CTNNA2: variants seen among roughly 807,000 people sequenced by gnomAD.
CTNNA2 encodes catenin alpha 2.
A neutral mutation model predicts 101.0 loss-of-function variants in CTNNA2; 42 were observed. The ratio of observed to expected loss-of-function variants is 0.42; its 90% confidence interval spans 0.32 to 0.54. CTNNA2 has a LOEUF of 0.54. CTNNA2 is among the 20% of genes least tolerant of loss of function. The probability of loss-of-function intolerance (pLI) is 0.14; values close to 1 mark genes in which losing one functional copy is unlikely to be tolerated. For missense variants in CTNNA2, 871 were observed against 1,223.1 expected, an observed-to-expected ratio of 0.71 and a Z score of 4.29; for synonymous variants, 450 against 456.4, an observed-to-expected ratio of 0.99 and a Z score of 0.18.
intron 2 of CTNNA2, among the ~76,000 whole-genome samples, chr2:79,295,954 C>A (rs553150238): frequency 1.3e-5 from 2 of 152,052 alleles, no homozygotes; most frequent in Admixed American, 6.5e-5. Context: ...TTTTCCTCAA[C>A]AAAATTGTGG....
intron 7 of CTNNA2, among the ~76,000 whole-genome samples, chr2:80,020,863 T>C (rs1212436651): frequency 2.6e-5 from 4 of 152,138 alleles, no homozygotes; most frequent in South Asian, 2.1e-4. Flanking sequence ...CTATGAACTT[T>C]GTTTTGACTT....
chr2:79,710,921 T>A (rs192800288), intron 2 of CTNNA2, among the ~76,000 whole-genome samples: 14 of 152,372 alleles, frequency 9.2e-5, no homozygotes, highest in African/African-American at 3.4e-4. Context: ...ATGAGCTGAA[T>A]GTATTTTTAG....
intron 7 of CTNNA2, among the ~76,000 whole-genome samples, chr2:80,161,529 C>A (rs551836142): frequency 6.8e-4 from 103 of 152,016 alleles, no homozygotes; most frequent in African/African-American, 2.3e-3. Flanking sequence ...AGATTAAATT[C>A]TTTCAAAGGT....
chr2:80,424,460 AT>A (rs2149414716), intron 9 of CTNNA2, among the ~76,000 whole-genome samples: 1 of 152,292 alleles, frequency 6.6e-6, no homozygotes, highest in South Asian at 2.1e-4. Context: ...GTTTTTTGAT[AT>A]GCTGGGTGAT....
At chr2:80,295,371 A>C (rs1040108473) in intron 7 of CTNNA2, among the ~76,000 whole-genome samples, 7 of 151,974 alleles carry the variant, frequency 4.6e-5, no homozygotes, top group African/African-American at 1.5e-4. Flanking sequence ...CCACCCATAC[A>C]TGCCTGAGCT....
chr2:79,430,686 CA>C (rs1678650409), intron 4 of CTNNA2, among the ~76,000 whole-genome samples: 1 of 152,042 alleles, frequency 6.6e-6, no homozygotes, highest in Non-Finnish European at 1.5e-5. Context: ...ATGGAGAACA[CA>C]AGGCATGGAG....
intron 7 of CTNNA2, among the ~76,000 whole-genome samples, chr2:80,256,191 C>T (rs1368272316): frequency 2.0e-5 from 3 of 152,078 alleles, no homozygotes; most frequent in Non-Finnish European, 4.4e-5. Flanking sequence ...AAGGCACAGC[C>T]TTTTGTTGCT....
intron 2 of CTNNA2, among the ~76,000 whole-genome samples, chr2:79,247,263 T>C (rs1413212867): frequency 6.6e-6 from 1 of 152,222 alleles, no homozygotes; most frequent in Non-Finnish European, 1.5e-5. Flanking sequence ...TTCTTTTCCT[T>C]ACTTTTAACT....
chr2:79,643,051 C>T (rs1251816706), intron 1 of CTNNA2, among the ~76,000 whole-genome samples: 1 of 152,004 alleles, frequency 6.6e-6, no homozygotes, highest in Non-Finnish European at 1.5e-5. Flanking sequence ...ATTAGCTGGG[C>T]ATGGTGGCAC....
At chr2:80,277,161 C>T (rs1026702543) in intron 7 of CTNNA2, among the ~76,000 whole-genome samples, 1 of 151,910 alleles carries the variant, frequency 6.6e-6, no homozygotes, top group African/African-American at 2.4e-5. Flanking sequence ...AATGGGGAAA[C>T]TGTGTAGGAC....
chr2:80,565,551 T>C (rs919533360), intron 12 of CTNNA2, among the ~76,000 whole-genome samples: 2 of 151,732 alleles, frequency 1.3e-5, no homozygotes, highest in Non-Finnish European at 2.9e-5. Flanking sequence ...AATCGTGTGG[T>C]TGTACCTCCA....
At chr2:79,904,047 C>T (rs1685250549) in intron 6 of CTNNA2, among the ~76,000 whole-genome samples, 1 of 152,138 alleles carries the variant, frequency 6.6e-6, no homozygotes, top group African/African-American at 2.4e-5. Context: ...TATGCCATCT[C>T]TCACCTCCTA....
intron 1 of CTNNA2, among the ~76,000 whole-genome samples, chr2:79,544,260 A>G (rs922058558): frequency 6.6e-6 from 1 of 152,154 alleles, no homozygotes; most frequent in Non-Finnish European, 1.5e-5. Flanking sequence ...TTTTGAATGA[A>G]TAGTGTGTAG....
chr2:80,256,434 C>T (rs1015046449), intron 7 of CTNNA2, among the ~76,000 whole-genome samples: 7 of 152,114 alleles, frequency 4.6e-5, no homozygotes, highest in African/African-American at 1.7e-4. Flanking sequence ...TCAGTAGAAA[C>T]TGTGACAACA....
Position 80,240,944 on chromosome 2 carries a change from A to G in CTNNA2, c.1057-152267A>G, listed in dbSNP as rs887435702. On this transcript the variant is annotated intron_variant, in intron 7 of 18. Transcript: ENST00000402739. ...AGTTAGAACTCTGAGGCTGGGTGGCATTTTAGGAGCCAGACAGGTCCATGA... is the reference window on the plus strand; with the variant it reads ...AGTTAGAACTCTGAGGCTGGGTGGCGTTTTAGGAGCCAGACAGGTCCATGA... 2.6e-5 allele frequency among the ~76,000 whole-genome samples: 4 copies of G among 152,260 alleles called. No individual in the cohort carries two copies. In the East Asian group the frequency reaches 7.7e-4, roughly 29 times the overall value.
At chr2:79,195,884 T>C (rs1439619915) in intron 1 of CTNNA2, 2 of 500,910 alleles carry the variant, frequency 4.0e-6, no homozygotes, top group Non-Finnish European at 4.0e-6. Flanking sequence ...AATAAGAAAT[T>C]AGGGGGCAGA....
intron 4 of CTNNA2, among the ~76,000 whole-genome samples, chr2:79,398,944 T>C (rs1239152100): frequency 6.6e-6 from 1 of 152,106 alleles, no homozygotes; most frequent in Non-Finnish European, 1.5e-5. Context: ...TCCAGCTCTT[T>C]AGTGACCTTG....
chr2:80,065,427 C>T (rs533117426), intron 7 of CTNNA2, among the ~76,000 whole-genome samples: 46 of 150,882 alleles, frequency 3.0e-4, no homozygotes, highest in Admixed American at 5.3e-4. Flanking sequence ...GGCATGATCT[C>T]GGCTCACTAC....
At chr2:80,581,908 G>T in intron 14 of CTNNA2, 89 bp downstream of exon 14, 1 of 728,508 alleles carries the variant, frequency 1.4e-6, no homozygotes, top group Non-Finnish European at 2.5e-6. Context: ...CAGACACGTG[G>T]TACCCCAGAG....
Sources: allele counts gnomAD v4.1 joint callset (sites outside exome capture counted in the v4.1 genomes callset), GRCh38; gene constraint gnomAD v4.1.1; transcripts MANE v1.5; gene names NCBI Gene and HGNC (gene_info 2026-07-23, HGNC 2026-07-21).